Variants in ABCA1 observed in about 807,000 individuals in gnomAD.
ABCA1 encodes the protein phospholipid-transporting ATPase ABCA1.
ABCA1 carries 133 observed loss-of-function variants against 262.5 expected under a neutral mutation model. The observed-to-expected ratio is 0.51, with a 90% CI of 0.44 to 0.59. The LOEUF (loss-of-function observed/expected upper bound fraction) is 0.59, where lower values mean the gene tolerates loss of function less well. ABCA1 is among the 20% of genes least tolerant of loss of function. ABCA1 has a pLI of 0.00. For missense variants in ABCA1, 2,452 were observed against 2,777.5 expected (o/e 0.88, Z 2.63); for synonymous variants, 1,022 against 1,043.5 (o/e 0.98, Z 0.40).
At chr9:104,840,994 C>T (rs757807591) in intron 8 of ABCA1, among the ~76,000 whole-genome samples, 3 of 152,136 alleles carry the variant, frequency 2.0e-5, no homozygotes, top group African/African-American at 4.8e-5. Context: ...CTCTCATCCT[C>T]GATAACTGAC....
rs1828570078 is a variant in ABCA1, at chr9:104,781,916, T to G, written c.*2399A>C. 1 of 152,190 alleles carries G rather than the reference T, an allele frequency of 6.6e-6. No homozygotes were observed. The highest frequency in any genetic ancestry group is 2.4e-5 in the African/African-American group (1 of 41,462). The allele number at this position is 152,190 out of a possible 1,614,324, so 9.4% of individuals were successfully genotyped here. ...CAGGAAAATGTAAAAAATTACTATT[T>G]TAAAAGGTAACACAGTATTAATGAA... On this transcript the variant is annotated 3_prime_UTR_variant, in exon 50 of 50. Transcript: ENST00000374736.
chr9:104,821,924 T>C (rs945626739), intron 19 of ABCA1, among the ~76,000 whole-genome samples: 3 of 152,182 alleles, frequency 2.0e-5, no homozygotes, highest in Admixed American at 6.5e-5. Flanking sequence ...ATTAATTCTA[T>C]GTTTTAAAAA....
Position 104,781,036 on chromosome 9 carries a change from T to A in ABCA1, c.*3279A>T, listed in dbSNP as rs572159293. The A allele has an allele frequency of 1.7e-4, 26 of 152,758 alleles. 1 individual carries two copies. Among genetic ancestry groups the A allele is most frequent in the South Asian group, 1.7e-3 (8 of 4,830 alleles). 9.5% of individuals were successfully genotyped at this position (152,758 alleles called of 1,614,324 possible). A position where few individuals can be genotyped will look rare whatever the true frequency, so the allele number is the denominator to read the frequency against. Reference sequence around the variant, plus strand: ...ACCAACAGAACTGTCACAGCTTTATTTTGTGACTCATTATATTACAACATA... The same window carrying A: ...ACCAACAGAACTGTCACAGCTTTATATTGTGACTCATTATATTACAACATA... On this transcript the variant is annotated 3_prime_UTR_variant, in exon 50 of 50. Coordinates refer to ENST00000374736, the MANE Select transcript of ABCA1 (RefSeq NM_005502.4).
intron 12 of ABCA1, among the ~76,000 whole-genome samples, chr9:104,832,228 T>A (rs1588339042): frequency 6.6e-6 from 1 of 152,298 alleles, no homozygotes; most frequent in East Asian, 1.9e-4. Flanking sequence ...CCGAATTCGA[T>A]TTTAGATAAG....
At chr9:104,888,064 T>G (rs62568183) in intron 3 of ABCA1, among the ~76,000 whole-genome samples, 17,409 of 150,252 alleles carry the variant, frequency 0.12, 1,067 homozygotes, top group Middle Eastern at 0.2. Context: ...GAGGGGTGTG[T>G]GTGTGTGTGT....
chr9:104,785,710 A>G, intron 48 of ABCA1, 71 bp from the exon 49 acceptor site: 1 of 1,598,010 alleles, frequency 6.3e-7, no homozygotes, highest in Non-Finnish European at 8.5e-7. Context: ...GAACCCTGGG[A>G]ACCCAACTTG....
intron 3 of ABCA1, among the ~76,000 whole-genome samples, chr9:104,888,074 T>G (rs62568184): frequency 0.11 from 17,394 of 151,256 alleles, 1,068 homozygotes; most frequent in Middle Eastern, 0.2. Context: ...TGTGTGTGTG[T>G]GTGTGTGTGT....
intron 36 of ABCA1, 83 bp from the exon 37 acceptor site, chr9:104,798,681 A>G (rs1383141688): frequency 8.5e-7 from 1 of 1,177,074 alleles, no homozygotes; most frequent in South Asian, 1.3e-5. Flanking sequence ...CACACAGACA[A>G]ACACACACGT....
intron 5 of ABCA1, among the ~76,000 whole-genome samples, chr9:104,864,626 C>T (rs909983122): frequency 4.6e-5 from 7 of 152,058 alleles, no homozygotes; most frequent in African/African-American, 1.4e-4. Flanking sequence ...ACAGAATACA[C>T]GTATTAGCTA....
rs1833321726 is a variant in ABCA1, at chr9:104,831,526, C to T, written c.1715+96G>A. ...TTTTTTGTTGTTGTTGAAATTTCTA[C>T]CAAATTTTTAGTTAAAATAAAGTAC... On this transcript the variant is annotated intron_variant, in intron 13 of 49. Coordinates refer to ENST00000374736, the MANE Select transcript of ABCA1 (RefSeq NM_005502.4). 3.8e-6 allele frequency: 4 copies of T among 1,062,258 alleles called. No homozygotes were observed. In the Admixed American group the frequency reaches 8.4e-5, roughly 22 times the overall value. The allele number at this position is 1,062,258 out of a possible 1,614,324, so 65.8% of individuals were successfully genotyped here.
chr9:104,821,655 A>AAAGGAC, intron 19 of ABCA1, 149 bp from the exon 20 acceptor site: 1 of 928,604 alleles, frequency 1.1e-6, no homozygotes, highest in Non-Finnish European at 1.6e-6. Flanking sequence ...ACACAAAGCA[A>AAAGGAC]AGCTGTCCTT....
intron 40 of ABCA1, 41 bp downstream of exon 40, chr9:104,794,346 C>G: frequency 2.5e-6 from 4 of 1,613,548 alleles, no homozygotes; most frequent in Non-Finnish European, 3.4e-6. Flanking sequence ...ATGCAGAGTG[C>G]CATCTCCATT....
At chr9:104,875,046 A>C (rs570317540) in intron 5 of ABCA1, among the ~76,000 whole-genome samples, 70 of 152,212 alleles carry the variant, frequency 4.6e-4, no homozygotes, top group African/African-American at 1.6e-3. Context: ...TGTCGAATAG[A>C]AAAGGGGGAA....
At position 104,803,317 on chromosome 9, in the gene ABCA1, C is replaced by T; in HGVS notation, c.4560-1G>A. The T allele has an allele frequency of 6.2e-7, 1 of 1,614,140 alleles. No homozygotes were observed. The highest frequency in any genetic ancestry group is 8.5e-7 in the Non-Finnish European group (1 of 1,180,000). ...ATTCACCCAGATCTTGTTCTTTAAG[C>T]TGCAGAGACAAAGAAACAAAAAATC... On this transcript the variant is annotated splice_acceptor_variant, in intron 32 of 49. Transcript: ENST00000374736. LOFTEE classifies it high-confidence loss of function.
At chr9:104,899,010 C>T (rs1359714316) in intron 2 of ABCA1, among the ~76,000 whole-genome samples, 5 of 152,176 alleles carry the variant, frequency 3.3e-5, no homozygotes, top group African/African-American at 9.7e-5. Context: ...GTAAGCTCTA[C>T]GAAAGCAGTA....
intron 30 of ABCA1, among the ~76,000 whole-genome samples, chr9:104,808,147 G>A (rs994123516): frequency 1.3e-5 from 2 of 152,054 alleles, no homozygotes; most frequent in Non-Finnish European, 2.9e-5. Flanking sequence ...CTAAAAATTT[G>A]AATTTCAGTA....
At position 104,898,979 on chromosome 9, in the gene ABCA1, A is replaced by C. The variant is rs1840444305; in HGVS notation, c.66+4635T>G. On this transcript the variant is annotated intron_variant, in intron 2 of 49. Transcript: ENST00000374736. ...TTATTTGTGTGATGATATGTTTCAC[A>C]TCTGCTGGCCTCACTGAACTGTAAG... 3.3e-5 allele frequency among the ~76,000 whole-genome samples: 5 copies of C among 152,184 alleles called. No homozygotes were observed. In the South Asian group the frequency reaches 1.0e-3, roughly 32 times the overall value.
Position 104,784,223 on chromosome 9 carries a change from A to G in ABCA1, c.*92T>C. 2 of 1,537,752 alleles carry G rather than the reference A, an allele frequency of 1.3e-6. No individual in the cohort carries two copies. Among genetic ancestry groups the G allele is most frequent in the Non-Finnish European group, 1.8e-6 (2 of 1,114,920 alleles). On this transcript the variant is annotated 3_prime_UTR_variant, in exon 50 of 50. Coordinates refer to ENST00000374736, the MANE Select transcript of ABCA1 (RefSeq NM_005502.4). Reference sequence around the variant, plus strand: ...ATCCAGTTTACTTCTTCCCACATCAACTTCTGGCTCTTTTCTCCACAACAC... The same window carrying G: ...ATCCAGTTTACTTCTTCCCACATCAGCTTCTGGCTCTTTTCTCCACAACAC...
intron 1 of ABCA1, among the ~76,000 whole-genome samples, chr9:104,926,821 C>A (rs963079080): frequency 1.3e-5 from 2 of 152,222 alleles, no homozygotes; most frequent in South Asian, 2.1e-4. Flanking sequence ...CCAGCAGCAA[C>A]GGTCTGGAAG....
Sources: allele counts gnomAD v4.1 joint callset (sites outside exome capture counted in the v4.1 genomes callset), GRCh38; gene constraint gnomAD v4.1.1; transcripts MANE v1.5; gene names NCBI Gene and HGNC (gene_info 2026-07-23, HGNC 2026-07-21).